FCGR3A: variants seen among roughly 807,000 people sequenced by gnomAD.
FCGR3A encodes low affinity immunoglobulin gamma Fc region receptor III-A.
A neutral mutation model predicts 24.1 loss-of-function variants in FCGR3A; 13 were observed. The ratio of observed to expected loss-of-function variants is 0.54; its 90% CI spans 0.35 to 0.86. The LOEUF (loss-of-function observed/expected upper bound fraction) is 0.86. Among genes scored for constraint, FCGR3A ranks in the 40% least tolerant of loss-of-function variants. The pLI, the probability that FCGR3A is intolerant of heterozygous loss-of-function variation, is 0.01. For synonymous variants in FCGR3A, 93 were observed against 112.2 expected, an observed-to-expected ratio of 0.83 and a Z score of 1.08; for missense variants, 235 against 298.0, an observed-to-expected ratio of 0.79 and a Z score of 1.56.
upstream of FCGR3A, chr1:161,550,470 A>C (rs1677711966): frequency 6.4e-6 from 1 of 156,760 alleles, no homozygotes; most frequent in African/African-American, 2.4e-5. Context: ...TCACCAGCGA[A>C]AGGCTGAAAA....
At position 161,549,365 on chromosome 1, in the gene FCGR3A, A is replaced by G. The variant is rs400617; in HGVS notation, c.40+332T>C. Among the ~76,000 whole-genome samples, 1,007 of 152,158 alleles carry G rather than the reference A, an allele frequency of 6.6e-3. 12 individuals are homozygous for G. The highest frequency in any genetic ancestry group is 0.023 in the African/African-American group (972 of 41,484). ...CATATCCCCACAAGAAAGGGTAGAA[A>G]TTGAAAATCATAGAGGAGAACCCTG... On this transcript the variant is annotated intron_variant, in intron 1 of 4. Coordinates refer to ENST00000443193, the MANE Select transcript of FCGR3A (RefSeq NM_000569.8).
At chr1:161,547,171 T>C (rs1367764648) in intron 3 of FCGR3A, among the ~76,000 whole-genome samples, 1 of 152,118 alleles carries the variant, frequency 6.6e-6, no homozygotes, top group Non-Finnish European at 1.5e-5. Flanking sequence ...TCCCCCATTT[T>C]ATTTGGTTGT....
chr1:161,545,166 C>G (rs546596167), intron 3 of FCGR3A, among the ~76,000 whole-genome samples: 2 of 152,064 alleles, frequency 1.3e-5, no homozygotes, highest in African/African-American at 4.8e-5. Context: ...GGAAGAGGGA[C>G]ACACACACAT....
At chr1:161,544,338 G>A (rs1414115604) in intron 4 of FCGR3A, among the ~76,000 whole-genome samples, 18 of 151,900 alleles carry the variant, frequency 1.2e-4, no homozygotes, top group African/African-American at 3.4e-4. Flanking sequence ...AGTTTGGATC[G>A]TGGCTAAAAG....
intron 3 of FCGR3A, among the ~76,000 whole-genome samples, chr1:161,547,730 C>G (rs987839516): frequency 6.6e-6 from 1 of 152,224 alleles, no homozygotes; most frequent in Non-Finnish European, 1.5e-5. Flanking sequence ...TGTCTGAGAG[C>G]GAGAAGGAGA....
intron 4 of FCGR3A, among the ~76,000 whole-genome samples, chr1:161,544,003 G>T (rs1166771406): frequency 2.0e-5 from 3 of 152,298 alleles, no homozygotes; most frequent in Admixed American, 1.3e-4. Context: ...AAATATACAG[G>T]CTTTGAAGTC....
chr1:161,543,016 T>G lies in FCGR3A; in HGVS notation c.761A>C (p.Lys254Thr), dbSNP rs542465352. 5.6e-6 allele frequency: 9 copies of G among 1,609,688 alleles called. No individual in the cohort carries two copies. The highest frequency in any genetic ancestry group is 5.4e-5 in the African/African-American group (4 of 74,646). The change falls in exon 5 of 5, where the codon AAA becomes ACA. Residue 254 changes from lysine (K) to threonine (T), a missense_variant. Lys to Thr is a moderately conservative substitution (Grantham distance 78). Coordinates refer to ENST00000443193, the MANE Select transcript of FCGR3A (RefSeq NM_000569.8). ...KFKWRKDPQD[K>T] ...ATTACCCCCATGGGATGGGGGTCATTTGTCTTGAGGGTCCTTTCTCCATTT... is the reference window on the plus strand; with the variant it reads ...ATTACCCCCATGGGATGGGGGTCATGTGTCTTGAGGGTCCTTTCTCCATTT...
intron 4 of FCGR3A, among the ~76,000 whole-genome samples, chr1:161,544,108 T>C (rs1677270022): frequency 6.6e-6 from 1 of 152,184 alleles, no homozygotes; most frequent in Non-Finnish European, 1.5e-5. Context: ...GTTGTGAAGG[T>C]CTACTGTGAT....
chr1:161,544,043 T>C (rs1355676508), intron 4 of FCGR3A, among the ~76,000 whole-genome samples: 4 of 152,304 alleles, frequency 2.6e-5, no homozygotes, highest in Admixed American at 2.6e-4. Context: ...AACTTATTTA[T>C]TTATTTTTGC....
chr1:161,544,998 T>A, intron 3 of FCGR3A, 40 bp from the exon 4 acceptor site: 2 of 1,599,406 alleles, frequency 1.3e-6, no homozygotes, highest in Non-Finnish European at 8.6e-7. Context: ...AGGCCTCAGC[T>A]CTCAGTGCAG....
At chr1:161,548,224 G>C (rs1260261023) in intron 3 of FCGR3A, among the ~76,000 whole-genome samples, 197 bp downstream of exon 3, 1 of 152,304 alleles carries the variant, frequency 6.6e-6, no homozygotes, top group Non-Finnish European at 1.5e-5. Flanking sequence ...TATATCTACT[G>C]TCTGACAGGC....
intron 1 of FCGR3A, among the ~76,000 whole-genome samples, 197 bp from the exon 2 acceptor site, chr1:161,549,228 A>G (rs1677622789): frequency 2.0e-5 from 3 of 150,934 alleles, no homozygotes; most frequent in Non-Finnish European, 3.0e-5. Flanking sequence ...CACTGTCAAC[A>G]CAAATCCCTA....
chr1:161,544,678 T>A, intron 4 of FCGR3A, 23 bp downstream of exon 4: 1 of 1,608,914 alleles, frequency 6.2e-7, no homozygotes, highest in Non-Finnish European at 8.5e-7. Context: ...TCCCTGGGCA[T>A]TCCAGGGTGG....
chr1:161,547,860 A>G (rs1432945039), intron 3 of FCGR3A, among the ~76,000 whole-genome samples: 2 of 152,304 alleles, frequency 1.3e-5, no homozygotes, highest in African/African-American at 4.8e-5. Flanking sequence ...ACCTGAGGTC[A>G]GGAGTTTGAG....
intron 3 of FCGR3A, among the ~76,000 whole-genome samples, chr1:161,546,292 C>T (rs1216136588): frequency 6.6e-6 from 1 of 151,988 alleles, no homozygotes; most frequent in African/African-American, 2.4e-5. Flanking sequence ...AGCATAAAGT[C>T]ATGGTTAGTA....
At chr1:161,549,821 C>A (rs530526419), upstream of FCGR3A, 1 of 1,613,714 alleles carries the variant, frequency 6.2e-7, no homozygotes, top group South Asian at 1.1e-5. Flanking sequence ...AAGTAAACAG[C>A]CTTTCCCCAG....
At chr1:161,547,237 AGTGAAGACCAT>A (rs1226303371) in intron 3 of FCGR3A, among the ~76,000 whole-genome samples, 1 of 152,108 alleles carries the variant, frequency 6.6e-6, no homozygotes, top group Non-Finnish European at 1.5e-5. Flanking sequence ...AGCTCTGGAG[AGTGAAGACCAT>A]GTCAGTTGAG....
chr1:161,547,015 G>A (rs1183611327), intron 3 of FCGR3A, among the ~76,000 whole-genome samples: 1 of 152,106 alleles, frequency 6.6e-6, no homozygotes, highest in Non-Finnish European at 1.5e-5. Context: ...AGGATGCTCA[G>A]AAGTTTACCT....
At position 161,542,168 on chromosome 1, in the gene FCGR3A, T is replaced by C. The variant is rs1484818961; in HGVS notation, c.*844A>G. On this transcript the variant is annotated 3_prime_UTR_variant, in exon 5 of 5. Coordinates refer to ENST00000443193, the MANE Select transcript of FCGR3A (RefSeq NM_000569.8). Reference sequence around the variant, plus strand: ...CTCCTGCGCTTTCCTTCCTGTGTGCTTGTGGTTGGTTCTTTCTTCTCAGGC... The same window carrying C: ...CTCCTGCGCTTTCCTTCCTGTGTGCCTGTGGTTGGTTCTTTCTTCTCAGGC... 6.5e-6 allele frequency: 1 copy of C among 152,692 alleles called. No homozygotes were observed. Among genetic ancestry groups the C allele is most frequent in the Non-Finnish European group, 1.5e-5 (1 of 68,308 alleles). 9.5% of individuals were successfully genotyped at this position (152,692 alleles called of 1,614,324 possible). A position where few individuals can be genotyped will look rare whatever the true frequency, so the allele number is the denominator to read the frequency against.
Sources: gnomAD v4.1 joint callset for allele counts (sites outside exome capture counted in the v4.1 genomes callset) on GRCh38, gnomAD v4.1.1 for gene constraint, MANE v1.5 for transcripts, NCBI Gene and HGNC (gene_info 2026-07-23, HGNC 2026-07-21) for gene names.